Variants in PPFIBP2 observed in about 807,000 individuals in gnomAD.
PPFIBP2 encodes the protein PPFIB scaffold protein 2.
Under a neutral mutation model 118.3 loss-of-function variants are expected in PPFIBP2, and 118 were observed. The ratio of observed to expected loss-of-function variants is 1.00; its 90% CI spans 0.86 to 1.16. The LOEUF (loss-of-function observed/expected upper bound fraction) is 1.16, where lower values mean the gene tolerates loss of function less well. Ranked by LOEUF, PPFIBP2 falls within the 50% of genes most tolerant of loss-of-function variation. The pLI is 0.00. For missense variants in PPFIBP2, 1,195 were observed against 1,073.1 expected (o/e 1.11, Z -1.59); for synonymous variants, 414 against 397.4 (o/e 1.04, Z -0.50).
intron 6 of PPFIBP2, among the ~76,000 whole-genome samples, chr11:7,613,010 A>G (rs1222374366): frequency 6.6e-6 from 1 of 152,226 alleles, no homozygotes; most frequent in Non-Finnish European, 1.5e-5. Context: ...GCTGCTTCCC[A>G]TACTATACTG....
intron 2 of PPFIBP2, among the ~76,000 whole-genome samples, chr11:7,555,236 A>C (rs530709822): frequency 3.9e-4 from 60 of 152,298 alleles, no homozygotes; most frequent in Middle Eastern, 3.4e-3. Context: ...TTGGCTCTGC[A>C]TGAGGTTACT....
chr11:7,611,841 T>C (rs906195508), intron 6 of PPFIBP2, among the ~76,000 whole-genome samples: 6 of 152,228 alleles, frequency 3.9e-5, no homozygotes, highest in African/African-American at 1.4e-4. Flanking sequence ...ATTATTTACA[T>C]ATTGCAAAGT....
In PPFIBP2 at chr11:7,565,602, G is replaced by A. The variant is rs1420125018; in HGVS notation, c.114G>A (p.Leu38=). The A allele has an allele frequency of 1.2e-6, 2 of 1,614,110 alleles. No homozygotes were observed. Among genetic ancestry groups the A allele is most frequent in the East Asian group, 2.2e-5 (1 of 44,902 alleles). The change falls in exon 3 of 24, where the codon CTG becomes CTA. Residue 38 remains leucine (L), a synonymous_variant. Coordinates refer to ENST00000299492, the MANE Select transcript of PPFIBP2 (RefSeq NM_003621.5). ...DLSDGTCEPG[L]ASPASYMNPF... is the part of the protein sequence containing the mutation. Reference sequence around the variant, plus strand: ...GTGATGGTACTTGTGAGCCTGGACTGGCTTCCCCGGCCTCCTACATGAACC... The same window carrying A: ...GTGATGGTACTTGTGAGCCTGGACTAGCTTCCCCGGCCTCCTACATGAACC...
intron 5 of PPFIBP2, chr11:7,605,872 G>T: frequency 6.8e-7 from 1 of 1,469,572 alleles, no homozygotes; most frequent in South Asian, 1.4e-5. Context: ...TCCAAGTGGT[G>T]ACTGTGCTAC....
At chr11:7,656,612 TG>T, downstream of PPFIBP2, 1 of 588,476 alleles carries the variant, frequency 1.7e-6, no homozygotes. Context: ...AAACTTATAG[TG>T]CACCTGTGTC....
intron 1 of PPFIBP2, among the ~76,000 whole-genome samples, chr11:7,520,758 CCTT>C (rs1849688191): frequency 6.6e-6 from 1 of 152,162 alleles, no homozygotes; most frequent in African/African-American, 2.4e-5. Flanking sequence ...TTCCCTGCGT[CCTT>C]CTTCTTCAGA....
chr11:7,649,450 T>TCACCAGACC lies in PPFIBP2; in HGVS notation c.1999-82_1999-81insCACCAGACC, dbSNP rs1371222689. 5.8e-6 allele frequency: 9 copies of TCACCAGACC among 1,563,628 alleles called. No homozygotes were observed. In the African/African-American group the frequency reaches 1.1e-4, roughly 19 times the overall value. ...CTTCCTGAGATGTGGTTGACTTGTC[T>TCACCAGACC]ATGCTTGGTCTGGTGAGGGACATCA... On this transcript the variant is annotated intron_variant, in intron 20 of 23. Coordinates refer to ENST00000299492, the MANE Select transcript of PPFIBP2 (RefSeq NM_003621.5).
At position 7,549,558 on chromosome 11, in the gene PPFIBP2, A is replaced by G; in HGVS notation, c.64+19A>G. 6.5e-7 allele frequency: 1 copy of G among 1,541,212 alleles called. No homozygotes were observed. Among genetic ancestry groups the G allele is most frequent in the Non-Finnish European group, 8.7e-7 (1 of 1,143,690 alleles). On this transcript the variant is annotated intron_variant, in intron 2 of 23. Transcript: ENST00000299492. Reference sequence around the variant, plus strand: ...ATTGCAGGTACGCCCAGGGAACCCCAGCAACCAAGGTCTCATCCTCCACAT... The same window carrying G: ...ATTGCAGGTACGCCCAGGGAACCCCGGCAACCAAGGTCTCATCCTCCACAT...
chr11:7,650,754 G>A, intron 21 of PPFIBP2, 86 bp from the exon 22 acceptor site: 1 of 1,472,746 alleles, frequency 6.8e-7, no homozygotes, highest in East Asian at 2.3e-5. Context: ...GTCTGGGGCA[G>A]GGTTACTTAC....
chr11:7,557,725 T>C (rs2134630060), intron 2 of PPFIBP2, among the ~76,000 whole-genome samples: 1 of 152,296 alleles, frequency 6.6e-6, no homozygotes, highest in Non-Finnish European at 1.5e-5. Flanking sequence ...AGCGCTCTTT[T>C]TGAATAATCC....
At chr11:7,666,554 G>C in the PPFIBP2 span, 1 of 1,609,918 alleles carries the variant, frequency 6.2e-7, no homozygotes, top group Non-Finnish European at 8.5e-7. Flanking sequence ...CCTCTGTCTA[G>C]AAAAGAAGCA....
At chr11:7,629,027 A>T (rs1283948970) in intron 9 of PPFIBP2, among the ~76,000 whole-genome samples, 1 of 152,182 alleles carries the variant, frequency 6.6e-6, no homozygotes, top group African/African-American at 2.4e-5. Flanking sequence ...CTTCTCTGGG[A>T]ATTTCCTCTG....
At chr11:7,606,250 G>A (rs1847326603) in intron 5 of PPFIBP2, among the ~76,000 whole-genome samples, 1 of 152,176 alleles carries the variant, frequency 6.6e-6, no homozygotes, top group Non-Finnish European at 1.5e-5. Flanking sequence ...GGGGAAGAAT[G>A]TGTAATATTG....
At chr11:7,518,536 T>G (rs1564931651) in intron 1 of PPFIBP2, among the ~76,000 whole-genome samples, 1 of 152,112 alleles carries the variant, frequency 6.6e-6, no homozygotes, top group African/African-American at 2.4e-5. Flanking sequence ...CCAGTAGGCT[T>G]GGCAGGAGCT....
intron 5 of PPFIBP2, among the ~76,000 whole-genome samples, chr11:7,608,971 G>A (rs976871467): frequency 2.6e-5 from 4 of 152,022 alleles, no homozygotes; most frequent in Non-Finnish European, 4.4e-5. Context: ...GCTGGCCCAG[G>A]AAGAGCTGGC....
chr11:7,551,471 T>A (rs1012791263), intron 2 of PPFIBP2, among the ~76,000 whole-genome samples: 5 of 148,256 alleles, frequency 3.4e-5, no homozygotes, highest in Admixed American at 3.3e-4. Context: ...TTCATGGATT[T>A]ATTTTTTCTT....
chr11:7,577,493 G>C (rs562090589), intron 3 of PPFIBP2: 3 of 448,420 alleles, frequency 6.7e-6, no homozygotes, highest in African/African-American at 4.0e-5. Flanking sequence ...TTCTTGAGGG[G>C]GGAGGGGGCA....
At chr11:7,538,568 G>T (rs565796683) in intron 1 of PPFIBP2, among the ~76,000 whole-genome samples, 1 of 152,222 alleles carries the variant, frequency 6.6e-6, no homozygotes, top group African/African-American at 2.4e-5. Flanking sequence ...AAGGAGGCTG[G>T]TGGTGGAGCA....
At chr11:7,666,027 G>C in the PPFIBP2 span, 2 of 947,010 alleles carry the variant, frequency 2.1e-6, no homozygotes, top group Non-Finnish European at 3.3e-6. Context: ...GATGCTGTCT[G>C]GGCTGCAGCA....
Sources: gnomAD v4.1 joint callset for allele counts (sites outside exome capture counted in the v4.1 genomes callset) on GRCh38, gnomAD v4.1.1 for gene constraint, MANE v1.5 for transcripts, NCBI Gene and HGNC (gene_info 2026-07-23, HGNC 2026-07-21) for gene names.